FRMD4A: variants seen among roughly 807,000 people sequenced by gnomAD.
The protein encoded by FRMD4A is FERM domain containing 4A, also known as FERM domain-containing protein 4A.
A neutral mutation model predicts 129.1 loss-of-function variants in FRMD4A; 29 were observed. That is an observed-to-expected ratio of 0.22 (90% confidence interval 0.17 to 0.31). FRMD4A has a LOEUF of 0.31. Among genes scored for constraint, FRMD4A ranks in the 10% least tolerant of loss-of-function variants. The probability of loss-of-function intolerance (pLI) is 1.00; values close to 1 mark genes in which losing one functional copy is unlikely to be tolerated. For synonymous variants in FRMD4A, 634 were observed against 571.6 expected (o/e 1.11, Z -1.56); for missense variants, 1,272 against 1,375.8 (o/e 0.92, Z 1.19).
chr10:14,054,535 A>T (rs1834417360), intron 2 of FRMD4A, among the ~76,000 whole-genome samples: 1 of 151,904 alleles, frequency 6.6e-6, no homozygotes, highest in African/African-American at 2.4e-5. Context: ...GTGTGGATCC[A>T]AGCTAGAGTC....
chr10:14,126,831 TCAGGGAAAAAATGTGTAC>T (rs61445491), intron 2 of FRMD4A, among the ~76,000 whole-genome samples: 86,041 of 151,462 alleles, frequency 0.57, 24,521 homozygotes, highest in East Asian at 0.76. Context: ...GGAATGTGCC[TCAGGGAAAAAATGTGTAC>T]CAGAGGAGAA....
At chr10:13,994,862 G>A (rs1381170074) in intron 2 of FRMD4A, among the ~76,000 whole-genome samples, 1 of 152,222 alleles carries the variant, frequency 6.6e-6, no homozygotes, top group African/African-American at 2.4e-5. Context: ...AGGTTGCAAT[G>A]TGCCTCTTTC....
rs35347674 is a variant in FRMD4A at position 14,176,466 on chromosome 10, C to CTTTTTTTT, written c.45+153584_45+153591dup. Among the ~76,000 whole-genome samples, 15 of 72,832 alleles carry CTTTTTTTT rather than the reference C, an allele frequency of 2.1e-4. 1 individual carries two copies. The highest frequency in any genetic ancestry group is 7.7e-4 in the African/African-American group (15 of 19,556). 47.8% of individuals were successfully genotyped at this position (72,832 alleles called of 152,430 possible). Reference sequence around the variant, plus strand: ...GAGAATCTCATTCCTTCACCTCCATCTTTTTTTTTTTTTTTTTTTTTTTTT... The same window carrying CTTTTTTTT: ...GAGAATCTCATTCCTTCACCTCCATCTTTTTTTTTTTTTTTTTTTTTTTTTTTTTTTTT... On this transcript the variant is annotated intron_variant, in intron 2 of 24. Coordinates refer to ENST00000357447, the MANE Select transcript of FRMD4A (RefSeq NM_018027.5).
At chr10:13,678,757 G>A (rs902990627) in intron 15 of FRMD4A, among the ~76,000 whole-genome samples, 3 of 152,166 alleles carry the variant, frequency 2.0e-5, no homozygotes, top group Admixed American at 1.3e-4. Context: ...GGAACAATAC[G>A]AACTAGGCAG....
rs2081045633 is a variant in FRMD4A, at chr10:13,645,186, C to A, written c.*1852G>T. ...TCCTTACCCTTCTGGTCTGGTAGAG[C>A]CTATGGTTATTCTTGGATTCCACAT... On this transcript the variant is annotated 3_prime_UTR_variant, in exon 25 of 25. Transcript: ENST00000357447. 6.6e-6 allele frequency: 1 copy of A among 152,126 alleles called. No individual in the cohort carries two copies. Among genetic ancestry groups the A allele is most frequent in the Admixed American group, 6.5e-5 (1 of 15,288 alleles). 9.4% of individuals were successfully genotyped at this position (152,126 alleles called of 1,614,324 possible).
At chr10:13,882,911 C>G (rs1277941716) in intron 2 of FRMD4A, among the ~76,000 whole-genome samples, 2 of 152,010 alleles carry the variant, frequency 1.3e-5, no homozygotes, top group African/African-American at 4.8e-5. Context: ...TCAAGCAATC[C>G]TCCCACCTCA....
intron 2 of FRMD4A, among the ~76,000 whole-genome samples, chr10:14,238,106 T>A (rs1199369626): frequency 1.3e-5 from 2 of 152,170 alleles, no homozygotes; most frequent in Admixed American, 1.3e-4. Flanking sequence ...TCCCAGCAAT[T>A]TGACAGAACA....
At chr10:14,186,050 C>G (rs1203015831) in intron 2 of FRMD4A, among the ~76,000 whole-genome samples, 3 of 152,010 alleles carry the variant, frequency 2.0e-5, no homozygotes, top group Non-Finnish European at 4.4e-5. Context: ...GGGACCTACC[C>G]CCGTAAAGGA....
chr10:14,175,052 T>C (rs953879220), intron 2 of FRMD4A, among the ~76,000 whole-genome samples: 2 of 152,182 alleles, frequency 1.3e-5, no homozygotes, highest in African/African-American at 2.4e-5. Context: ...CAGAGCATAA[T>C]GCAGTTGAAA....
In FRMD4A at chr10:14,131,397, C is replaced by CCCG. The variant is rs151200711; in HGVS notation, c.45+198660_45+198661insCGG. Reference sequence around the variant, plus strand: ...TAGCTCCTTAGCCCAACTCACTGTGCCCCCCCCGGCCGCCCTGTTGTCTCT... The same window carrying CCCG: ...TAGCTCCTTAGCCCAACTCACTGTGCCCGCCCCCCCGGCCGCCCTGTTGTCTCT... On this transcript the variant is annotated intron_variant, in intron 2 of 24. Coordinates refer to ENST00000357447, the MANE Select transcript of FRMD4A (RefSeq NM_018027.5). Among the ~76,000 whole-genome samples the CCCG allele has an allele frequency of 1.7e-3, 119 of 70,968 alleles. 1 individual carries two copies. The East Asian group carries it at 0.022, about 13-fold the overall frequency. 46.6% of individuals were successfully genotyped at this position (70,968 alleles called of 152,430 possible). A position where few individuals can be genotyped will look rare whatever the true frequency, so the allele number is the denominator to read the frequency against.
intron 2 of FRMD4A, among the ~76,000 whole-genome samples, chr10:13,959,952 G>T (rs577736912): frequency 6.6e-6 from 1 of 152,196 alleles, no homozygotes; most frequent in African/African-American, 2.4e-5. Flanking sequence ...CCGTGGAAAA[G>T]GCACCGTGGC....
chr10:14,163,609 G>A (rs1458945465), intron 2 of FRMD4A, among the ~76,000 whole-genome samples: 1 of 152,182 alleles, frequency 6.6e-6, no homozygotes, highest in Admixed American at 6.5e-5. Context: ...CCTGGCACTC[G>A]TTACGAGCAC....
intron 6 of FRMD4A, among the ~76,000 whole-genome samples, chr10:13,772,025 G>C (rs1341528177): frequency 6.6e-6 from 1 of 151,396 alleles, no homozygotes; most frequent in East Asian, 1.9e-4. Context: ...GCTGAGGCAA[G>C]AGAATTGCAT....
chr10:13,658,837 G>C (rs1253158407), intron 21 of FRMD4A, among the ~76,000 whole-genome samples: 2 of 147,444 alleles, frequency 1.4e-5, no homozygotes, highest in African/African-American at 5.1e-5. Context: ...AGCCAAGATC[G>C]CGCCACTGTA....
chr10:13,755,683 T>A (rs1052778056), intron 8 of FRMD4A, among the ~76,000 whole-genome samples: 5 of 152,200 alleles, frequency 3.3e-5, no homozygotes, highest in Non-Finnish European at 7.3e-5. Context: ...AGCAAGCTGT[T>A]TTTCATTTTT....
intron 2 of FRMD4A, among the ~76,000 whole-genome samples, chr10:14,044,320 T>C (rs1588857440): frequency 2.0e-5 from 3 of 152,236 alleles, no homozygotes; most frequent in Non-Finnish European, 4.4e-5. Flanking sequence ...CCTTCTCTAA[T>C]TCTTTCTGCA....
At chr10:14,234,076 C>T (rs1157195566) in intron 2 of FRMD4A, among the ~76,000 whole-genome samples, 6 of 152,200 alleles carry the variant, frequency 3.9e-5, no homozygotes, top group Non-Finnish European at 8.8e-5. Flanking sequence ...AGACTAAGCA[C>T]AGAACACACG....
Position 13,821,355 on chromosome 10 carries a change from C to T in FRMD4A, c.112-10447G>A, listed in dbSNP as rs567721678. Among the ~76,000 whole-genome samples the T allele has an allele frequency of 1.3e-5, 2 of 152,260 alleles. No homozygotes were observed. The highest frequency in any genetic ancestry group is 3.9e-4 in the East Asian group (2 of 5,182). ...ACAATGGAGTTGCACTGTCTTGGCT[C>T]TCAGGCACCCAGAACAGGTAGGAGA... On this transcript the variant is annotated intron_variant, in intron 3 of 24. Transcript: ENST00000357447. The surrounding 1 kb of genome is among the most constrained non-coding windows in gnomAD (Gnocchi z 4.3).
intron 2 of FRMD4A, among the ~76,000 whole-genome samples, chr10:13,978,349 G>A (rs1254181161): frequency 6.6e-6 from 1 of 152,100 alleles, no homozygotes; most frequent in African/African-American, 2.4e-5. Flanking sequence ...AAAAGAGGCT[G>A]GAGTACAGAA....
Sources: allele counts gnomAD v4.1 joint callset (sites outside exome capture counted in the v4.1 genomes callset), GRCh38; gene constraint gnomAD v4.1.1; non-coding constraint Gnocchi (gnomAD v3.1); transcripts MANE v1.5; gene names NCBI Gene and HGNC (gene_info 2026-07-23, HGNC 2026-07-21).